Variants in TECPR1 observed in about 807,000 individuals in gnomAD.
The protein encoded by TECPR1 is tectonin beta-propeller repeat containing 1.
In TECPR1, 122 loss-of-function variants were observed where a neutral mutation model predicts 162.4. That is an observed-to-expected ratio of 0.75 (90% CI 0.65 to 0.87). The LOEUF is 0.87. Ranked by LOEUF, TECPR1 falls within the 40% of genes least tolerant of loss-of-function variation. TECPR1 has a pLI of 0.00. For synonymous variants in TECPR1, 642 were observed against 670.6 expected, an observed-to-expected ratio of 0.96 and a Z score of 0.66; for missense variants, 1,432 against 1,618.2, an observed-to-expected ratio of 0.88 and a Z score of 1.97.
At chr7:98,229,671 G>A (rs1173304341) in intron 15 of TECPR1, among the ~76,000 whole-genome samples, 2 of 152,296 alleles carry the variant, frequency 1.3e-5, no homozygotes, top group East Asian at 3.9e-4. Flanking sequence ...TCCTGGGTGG[G>A]CAGAGTGCAG....
chr7:98,242,387 T>C (rs1160818915), intron 6 of TECPR1, among the ~76,000 whole-genome samples: 3 of 151,986 alleles, frequency 2.0e-5, no homozygotes, highest in African/African-American at 7.3e-5. Flanking sequence ...TGCCTCTCTC[T>C]AAACAGCCAC....
chr7:98,220,966 T>C (rs1798125614), intron 23 of TECPR1, among the ~76,000 whole-genome samples: 1 of 150,342 alleles, frequency 6.7e-6, no homozygotes, highest in Non-Finnish European at 1.5e-5. Flanking sequence ...GCTGGAATTA[T>C]AGGCATGAGC....
intron 2 of TECPR1, 65 bp from the exon 3 acceptor site, chr7:98,246,230 A>G (rs572859807): frequency 3.9e-5 from 39 of 997,462 alleles, no homozygotes; most frequent in Non-Finnish European, 5.4e-5. Context: ...AGTCATGTGA[A>G]ACCTGGGAGA....
intron 17 of TECPR1, chr7:98,226,400 G>A (rs919815254): frequency 4.1e-6 from 4 of 977,402 alleles, no homozygotes; most frequent in Non-Finnish European, 4.9e-6. Flanking sequence ...TGGTTGAGAC[G>A]TCCAAGGCTG....
At chr7:98,249,720 C>A (rs763109554) in intron 2 of TECPR1, among the ~76,000 whole-genome samples, 1 of 152,100 alleles carries the variant, frequency 6.6e-6, no homozygotes, top group East Asian at 1.9e-4. Context: ...GAGGCCAAGG[C>A]GGGCAGATTG....
At position 98,245,971 on chromosome 7, in the gene TECPR1, C is replaced by A; in HGVS notation, c.176G>T (p.Cys59Phe). 1 of 1,607,054 alleles carries A rather than the reference C, an allele frequency of 6.2e-7. No individual in the cohort carries two copies. Among genetic ancestry groups the A allele is most frequent in the Non-Finnish European group, 8.5e-7 (1 of 1,177,430 alleles). The stretch of plus-strand genomic sequence containing the variant: ...GCGGCGGATGGGGACATCGCTGGCA[C>A]ACACATACACGTAGACCTGGTTGTC... Reference protein sequence around the residue: ...ACDNQVYVYVCASDVPIRRRE... With the variant: ...ACDNQVYVYVFASDVPIRRRE... Residue 59 changes from cysteine (C) to phenylalanine (F), a missense_variant, in exon 3 of 26, where the codon TGT becomes TTT. Physicochemically the swap from Cys to Phe is radical, Grantham distance 205. Transcript: ENST00000447648.
intron 16 of TECPR1, chr7:98,228,410 C>T (rs1798333553): frequency 1.3e-5 from 5 of 388,150 alleles, no homozygotes; most frequent in Admixed American, 3.6e-5. Context: ...TGCCCTCCTA[C>T]TTAGCACCAG....
Position 98,229,026 on chromosome 7 carries a change from G to A in TECPR1, c.2410+13C>T. 1.2e-6 allele frequency: 2 copies of A among 1,600,086 alleles called. No individual in the cohort carries two copies. The highest frequency in any genetic ancestry group is 2.7e-5 in the African/African-American group (2 of 74,840). On this transcript the variant is annotated intron_variant, in intron 16 of 25. Coordinates refer to ENST00000447648, the MANE Select transcript of TECPR1 (RefSeq NM_015395.3). ...CCCAGGAAGGCTCCGGGGGGGCTGT[G>A]GGCCGCCCTCACCTTGGAAGCAGCC...
chr7:98,231,196 C>CG, intron 14 of TECPR1, 28 bp downstream of exon 14: 1 of 1,609,676 alleles, frequency 6.2e-7, no homozygotes, highest in Admixed American at 1.7e-5. Context: ...TCCCTCCCCC[C>CG]GGCCCGAGGG....
At position 98,244,866 on chromosome 7, in the gene TECPR1, G is replaced by A. The variant is rs1166519007; in HGVS notation, c.408+19C>T. ...CCCCTCCCCACAGGGCAGTCATGGA[G>A]GGTCCCAAGTTCACCTACCCCTTTC... On this transcript the variant is annotated intron_variant, in intron 4 of 25. Coordinates refer to ENST00000447648, the MANE Select transcript of TECPR1 (RefSeq NM_015395.3). The A allele has an allele frequency of 6.2e-7, 1 of 1,612,602 alleles. No homozygotes were observed. Among genetic ancestry groups the A allele is most frequent in the East Asian group, 2.2e-5 (1 of 44,860 alleles).
intron 6 of TECPR1, 59 bp downstream of exon 6, chr7:98,243,408 C>T (rs1450291852): frequency 5.0e-6 from 8 of 1,602,554 alleles, no homozygotes; most frequent in East Asian, 2.2e-5. Flanking sequence ...GTGCACAGGA[C>T]AGGACCCACA....
At position 98,222,502 on chromosome 7, in the gene TECPR1, A is replaced by T; in HGVS notation, c.2948T>A (p.Val983Asp). Reference sequence around the variant, plus strand: ...GGAGGCGAAGGGCTGGTCGGTGCCAACGTGCAGCCAGGAGGAGCCCTGGGG... The same window carrying T: ...GGAGGCGAAGGGCTGGTCGGTGCCATCGTGCAGCCAGGAGGAGCCCTGGGG... ...LNPAGSSWLH[V>D]GTDQPFASIS... The change falls in exon 22 of 26, where the codon GTT (valine) becomes GAT (aspartate). Residue 983 changes from valine to aspartate, a missense_variant. By Grantham distance (152) the Val-to-Asp change is radical (BLOSUM62 -3). Transcript: ENST00000447648. 6.3e-7 allele frequency: 1 copy of T among 1,586,986 alleles called. No individual in the cohort carries two copies. The highest frequency in any genetic ancestry group is 8.6e-7 in the Non-Finnish European group (1 of 1,168,140).
At position 98,225,250 on chromosome 7, in the gene TECPR1, G is replaced by A. The variant is rs115179194; in HGVS notation, c.2514-148C>T. 1.2e-3 allele frequency: 873 copies of A among 748,368 alleles called. 3 individuals are homozygous for A. In the African/African-American group the frequency reaches 0.014, roughly 12 times the overall value. 46.4% of individuals were successfully genotyped at this position (748,368 alleles called of 1,614,324 possible). ...GCACTCGCACTCCTAAGAGGTGACAGCCTGCTGGGCACAGTGGCTGACGCC... is the reference window on the plus strand; with the variant it reads ...GCACTCGCACTCCTAAGAGGTGACAACCTGCTGGGCACAGTGGCTGACGCC... On this transcript the variant is annotated intron_variant, in intron 17 of 25. Transcript: ENST00000447648.
At chr7:98,220,317 C>T (rs1355851826) in intron 23 of TECPR1, among the ~76,000 whole-genome samples, 1 of 152,142 alleles carries the variant, frequency 6.6e-6, no homozygotes, top group African/African-American at 2.4e-5. Context: ...GTACTCTAGC[C>T]TGGGCAACAA....
intron 22 of TECPR1, 147 bp downstream of exon 22, chr7:98,222,239 C>G (rs562216147): frequency 8.2e-7 from 1 of 1,226,654 alleles, no homozygotes; most frequent in South Asian, 1.5e-5. Flanking sequence ...GGGTGACCAC[C>G]TCCCAGTCAG....
chr7:98,217,397 C>T lies in TECPR1; in HGVS notation c.3491G>A (p.Cys1164Tyr), dbSNP rs1286585084. The change falls in exon 26 of 26, where the codon TGC (cysteine) becomes TAC (tyrosine). Residue 1164 changes from cysteine (C) to tyrosine (Y), a missense_variant. Cys to Tyr is a radical substitution (Grantham distance 194). Transcript: ENST00000447648. ...TAGGTGTGTGGGGGGGCCTCAGCAG[C>T]AGACGGGGCCATGGGCCTCTGGTGG... ...SAPPEAHGPV[C>Y]C 1.9e-6 allele frequency: 3 copies of T among 1,583,074 alleles called. No homozygotes were observed. Among genetic ancestry groups the T allele is most frequent in the Non-Finnish European group, 2.6e-6 (3 of 1,164,496 alleles).
At chr7:98,240,798 G>T in intron 8 of TECPR1, 53 bp downstream of exon 8, 1 of 1,421,170 alleles carries the variant, frequency 7.0e-7, no homozygotes, top group Non-Finnish European at 9.6e-7. Context: ...ACAGCTCACT[G>T]CAGTCTCCAA....
chr7:98,235,698 T>C (rs1265249050), intron 10 of TECPR1, among the ~76,000 whole-genome samples: 1 of 150,334 alleles, frequency 6.7e-6, no homozygotes, highest in African/African-American at 2.4e-5. Context: ...GGTGTGGTGG[T>C]GAACATCTGT....
intron 17 of TECPR1, among the ~76,000 whole-genome samples, chr7:98,225,391 C>A (rs1261690076): frequency 6.6e-6 from 1 of 152,160 alleles, no homozygotes; most frequent in Non-Finnish European, 1.5e-5. Flanking sequence ...AAAAATTAGC[C>A]AGGTGTGGTG....
Sources: allele counts gnomAD v4.1 joint callset (sites outside exome capture counted in the v4.1 genomes callset), GRCh38; gene constraint gnomAD v4.1.1; transcripts MANE v1.5; gene names NCBI Gene and HGNC (gene_info 2026-07-23, HGNC 2026-07-21).